PTPRN2: variants seen among roughly 807,000 people sequenced by gnomAD.
The protein encoded by PTPRN2 is protein tyrosine phosphatase receptor type N2, also known as receptor-type tyrosine-protein phosphatase N2.
In PTPRN2, 74 loss-of-function variants were observed where a neutral mutation model predicts 118.8. The ratio of observed to expected loss-of-function variants is 0.62; its 90% CI spans 0.52 to 0.76. The LOEUF (loss-of-function observed/expected upper bound fraction) is 0.76, where lower values mean the gene tolerates loss of function less well. Among genes scored for constraint, PTPRN2 ranks in the 30% least tolerant of loss-of-function variants. The pLI, the probability that PTPRN2 is intolerant of heterozygous loss-of-function variation, is 0.00. For missense variants in PTPRN2, 1,481 were observed against 1,394.4 expected, an observed-to-expected ratio of 1.06 and a Z score of -0.99; for synonymous variants, 641 against 608.0, an observed-to-expected ratio of 1.05 and a Z score of -0.80.
At chr7:158,352,625 G>A (rs1808090769) in intron 2 of PTPRN2, among the ~76,000 whole-genome samples, 1 of 152,154 alleles carries the variant, frequency 6.6e-6, no homozygotes, top group African/African-American at 2.4e-5. Context: ...AAGGCTCTGG[G>A]CCCCACACAT....
chr7:157,691,039 G>T (rs1464540615), intron 12 of PTPRN2, among the ~76,000 whole-genome samples: 1 of 145,458 alleles, frequency 6.9e-6, no homozygotes, highest in Non-Finnish European at 1.5e-5. Flanking sequence ...CGCGGCTCGC[G>T]GCCCAGCCAC....
chr7:158,377,775 A>G (rs1810661059), intron 2 of PTPRN2, among the ~76,000 whole-genome samples: 1 of 152,332 alleles, frequency 6.6e-6, no homozygotes, highest in African/African-American at 2.4e-5. Flanking sequence ...TTCCAGGGAC[A>G]CTACCTGGTA....
chr7:158,262,992 C>A (rs532738241), intron 3 of PTPRN2, among the ~76,000 whole-genome samples: 1 of 150,816 alleles, frequency 6.6e-6, no homozygotes, highest in South Asian at 2.1e-4. Context: ...CAGATTCACA[C>A]ACATTGCACA....
intron 12 of PTPRN2, among the ~76,000 whole-genome samples, chr7:157,897,252 C>G (rs745871156): frequency 2.6e-5 from 4 of 152,142 alleles, no homozygotes; most frequent in Non-Finnish European, 5.9e-5. Context: ...GACGCACCTC[C>G]GACATCACAT....
chr7:157,721,008 A>G (rs1799202917), intron 12 of PTPRN2, among the ~76,000 whole-genome samples: 1 of 150,692 alleles, frequency 6.6e-6, no homozygotes, highest in African/African-American at 2.5e-5. Context: ...GGGAGGTGTC[A>G]GGACAGCGGG....
chr7:157,853,931 G>T (rs1015988192), intron 12 of PTPRN2, among the ~76,000 whole-genome samples: 1 of 152,176 alleles, frequency 6.6e-6, no homozygotes, highest in African/African-American at 2.4e-5. Flanking sequence ...CGGACACGGG[G>T]CAGCCACAGG....
rs1261104586 is a variant in PTPRN2, at chr7:157,967,199, T to TA, written c.1724-68463dup. On this transcript the variant is annotated intron_variant, in intron 11 of 22. Coordinates refer to ENST00000389418, the MANE Select transcript of PTPRN2 (RefSeq NM_002847.5). ...TTAGCCAGATGTGGTGGCTCACACT[T>TA]ACAGTCCCAGCTACTTGGGAGGACC... 8.5e-5 allele frequency among the ~76,000 whole-genome samples: 13 copies of TA among 152,304 alleles called. No homozygotes were observed. The South Asian group carries it at 2.7e-3, about 32-fold the overall frequency.
intron 12 of PTPRN2, among the ~76,000 whole-genome samples, chr7:157,837,932 C>T (rs575467578): frequency 1.3e-5 from 2 of 152,352 alleles, no homozygotes; most frequent in Admixed American, 6.5e-5. Flanking sequence ...AGCTCCTCTC[C>T]ACCGTGGCTA....
intron 17 of PTPRN2, among the ~76,000 whole-genome samples, chr7:157,580,576 G>C (rs1800305080): frequency 7.4e-6 from 1 of 134,512 alleles, no homozygotes; most frequent in Non-Finnish European, 1.6e-5. Context: ...GCACATCCGA[G>C]CCCCTGCACA....
At chr7:157,554,962 A>G (rs535229112) in intron 21 of PTPRN2, among the ~76,000 whole-genome samples, 123 of 152,336 alleles carry the variant, frequency 8.1e-4, no homozygotes, top group African/African-American at 2.9e-3. Flanking sequence ...TCAGCACCCC[A>G]GTGTGGCGGG....
At chr7:157,846,865 A>G (rs1465560127) in intron 12 of PTPRN2, among the ~76,000 whole-genome samples, 4 of 149,204 alleles carry the variant, frequency 2.7e-5, no homozygotes, top group Non-Finnish European at 5.9e-5. Context: ...CTCTCACTCC[A>G]TCACGTGTGC....
At chr7:157,582,748 C>T (rs1444094920) in intron 17 of PTPRN2, among the ~76,000 whole-genome samples, 1 of 151,830 alleles carries the variant, frequency 6.6e-6, no homozygotes, top group Non-Finnish European at 1.5e-5. Context: ...GTGGCATGCA[C>T]CTGTAATCCC....
In PTPRN2 at chr7:157,813,110, AAAACCACACGC is replaced by A. The variant is rs759370779; in HGVS notation, c.1788+85552_1788+85562del. ...TATCTGCAAAGACCTGTGCCGTGCT[AAAACCACACGC>A]ATGGCAGCCTCCCCCAAGCCAACCA... On this transcript the variant is annotated intron_variant, in intron 12 of 22. Transcript: ENST00000389418. The surrounding 1 kb of genome is among the most constrained non-coding windows in gnomAD (Gnocchi z 4.7). Among the ~76,000 whole-genome samples, 2 of 152,164 alleles carry A rather than the reference AAAACCACACGC, an allele frequency of 1.3e-5. No individual in the cohort carries two copies. Among genetic ancestry groups the A allele is most frequent in the Non-Finnish European group, 2.9e-5 (2 of 68,036 alleles).
At chr7:157,644,930 C>T (rs1329823469) in intron 14 of PTPRN2, among the ~76,000 whole-genome samples, 1 of 152,258 alleles carries the variant, frequency 6.6e-6, no homozygotes, top group Non-Finnish European at 1.5e-5. Context: ...CAGCCGGCTC[C>T]TTTCTCACCT....
intron 2 of PTPRN2, among the ~76,000 whole-genome samples, chr7:158,439,576 A>G (rs140400549): frequency 1.8e-4 from 27 of 152,352 alleles, no homozygotes; most frequent in African/African-American, 5.3e-4. Context: ...CAAAGCCAAG[A>G]TATTTATCAT....
At chr7:158,587,481 C>T (rs1242261371) in intron 1 of PTPRN2, 77 bp downstream of exon 1, 33 of 1,057,578 alleles carry the variant, frequency 3.1e-5, no homozygotes, top group Non-Finnish European at 3.6e-5. Context: ...CACCCAGACC[C>T]CCTCACGGAG....
At chr7:158,109,938 G>T (rs531042177) in intron 10 of PTPRN2, among the ~76,000 whole-genome samples, 1 of 152,024 alleles carries the variant, frequency 6.6e-6, no homozygotes, top group East Asian at 1.9e-4. Flanking sequence ...TCACTCTGTG[G>T]GAGCCAGTGA....
chr7:158,137,104 T>C (rs1818894075), intron 7 of PTPRN2, among the ~76,000 whole-genome samples: 2 of 152,200 alleles, frequency 1.3e-5, no homozygotes, highest in African/African-American at 4.8e-5. Flanking sequence ...GTTATTTCAC[T>C]GTGGTCAGCG....
chr7:157,860,221 C>A (rs577020915), intron 12 of PTPRN2, among the ~76,000 whole-genome samples: 10 of 152,208 alleles, frequency 6.6e-5, no homozygotes, highest in African/African-American at 2.4e-4. Flanking sequence ...CCACAGCCTG[C>A]GATCTCTGCA....
Sources: gnomAD v4.1 joint callset for allele counts (sites outside exome capture counted in the v4.1 genomes callset) on GRCh38, gnomAD v4.1.1 for gene constraint, Gnocchi (gnomAD v3.1) non-coding constraint, MANE v1.5 for transcripts, NCBI Gene and HGNC (gene_info 2026-07-23, HGNC 2026-07-21) for gene names.